The following RPTOR variants were observed in gnomAD, a reference collection of about 807,000 sequenced individuals.
The protein encoded by RPTOR is regulatory associated protein of MTOR complex 1, also known as regulatory-associated protein of mTOR.
In RPTOR, 21 loss-of-function variants were observed where a neutral mutation model predicts 169.9. That is an observed-to-expected ratio of 0.12 (90% CI 0.09 to 0.18). RPTOR has a LOEUF of 0.18. Ranked by LOEUF, RPTOR falls within the 10% of genes least tolerant of loss-of-function variation. RPTOR has a pLI of 1.00. For synonymous variants in RPTOR, 732 were observed against 753.2 expected, an observed-to-expected ratio of 0.97 and a Z score of 0.46; for missense variants, 1,133 against 1,855.9, an observed-to-expected ratio of 0.61 and a Z score of 7.16.
At chr17:80,623,403 A>G (rs1408327173) in intron 1 of RPTOR, among the ~76,000 whole-genome samples, 2 of 152,236 alleles carry the variant, frequency 1.3e-5, no homozygotes, top group South Asian at 2.1e-4. Context: ...TTTCCCTGAA[A>G]CACTCATGAA....
intron 11 of RPTOR, among the ~76,000 whole-genome samples, chr17:80,849,837 G>A (rs55918319): frequency 0.054 from 8,225 of 152,242 alleles, 713 homozygotes; most frequent in African/African-American, 0.18. Context: ...GTCTTCTCAC[G>A]AGGAGCTCTG....
chr17:80,831,288 C>T (rs145288466), intron 9 of RPTOR, among the ~76,000 whole-genome samples: 1,561 of 152,308 alleles, frequency 0.01, 22 homozygotes, highest in African/African-American at 0.035. Flanking sequence ...CCATTCCCCA[C>T]GGAGGCTGAG....
chr17:80,729,846 A>C (rs915619259), intron 4 of RPTOR, among the ~76,000 whole-genome samples: 1 of 152,218 alleles, frequency 6.6e-6, no homozygotes, highest in Non-Finnish European at 1.5e-5. Flanking sequence ...CTGTGGGTCC[A>C]TGGAGGGAGG....
rs928121069 is a variant in RPTOR, at chr17:80,823,623, A to C, written c.1136+400A>C. 5.8e-6 allele frequency: 1 copy of C among 171,956 alleles called. No individual in the cohort carries two copies. The highest frequency in any genetic ancestry group is 2.5e-5 in the African/African-American group (1 of 40,186). The allele number at this position is 171,956 out of a possible 1,614,324, so 10.7% of individuals were successfully genotyped here. The stretch of plus-strand genomic sequence containing the variant: ...TAAACTGTTGGGCTCATGATCAATT[A>C]GTTTTTATGCTTATTTCTCACACAC... On this transcript the variant is annotated intron_variant, in intron 9 of 33. Coordinates refer to ENST00000306801, the MANE Select transcript of RPTOR (RefSeq NM_020761.3). The surrounding 1 kb of genome is among the most constrained non-coding windows in gnomAD (Gnocchi z 4.5).
chr17:80,789,681 G>T (rs762645868), intron 6 of RPTOR, among the ~76,000 whole-genome samples: 1 of 152,154 alleles, frequency 6.6e-6, no homozygotes, highest in Non-Finnish European at 1.5e-5. Flanking sequence ...CCTTTCAGTC[G>T]CATGCTAACC....
intron 1 of RPTOR, among the ~76,000 whole-genome samples, chr17:80,623,905 A>T (rs2065374202): frequency 6.6e-6 from 1 of 152,008 alleles, no homozygotes; most frequent in African/African-American, 2.4e-5. Context: ...TTATTCATTT[A>T]TTTATTTTTA....
chr17:80,898,116 C>T (rs1002997123), intron 20 of RPTOR, among the ~76,000 whole-genome samples: 1 of 152,150 alleles, frequency 6.6e-6, no homozygotes, highest in African/African-American at 2.4e-5. Context: ...TATTCCATTT[C>T]TTTAATGCTG....
chr17:80,834,735 A>T (rs566330427), intron 9 of RPTOR, among the ~76,000 whole-genome samples: 2 of 152,272 alleles, frequency 1.3e-5, no homozygotes, highest in African/African-American at 4.8e-5. Context: ...TTCAACACCA[A>T]GCGAGGGCCT....
intron 11 of RPTOR, among the ~76,000 whole-genome samples, chr17:80,852,508 C>T (rs943961923): frequency 2.6e-5 from 4 of 152,150 alleles, no homozygotes; most frequent in Non-Finnish European, 4.4e-5. Flanking sequence ...CTCTCAGCAT[C>T]ACCAGCACGG....
rs1321649281 is a variant in RPTOR at position 80,721,217 on chromosome 17, G to T, written c.508-9343G>T. On this transcript the variant is annotated intron_variant, in intron 4 of 33. Transcript: ENST00000306801. The surrounding 1 kb of genome is among the most constrained non-coding windows in gnomAD (Gnocchi z 4.7). ...GACACCGTGGGGAGCAGGTGATGTG[G>T]TTCCAGTGCTCTGTCATCCTGGGGT... Among the ~76,000 whole-genome samples, 1 of 151,114 alleles carries T rather than the reference G, an allele frequency of 6.6e-6. No homozygotes were observed. Among genetic ancestry groups the T allele is most frequent in the East Asian group, 1.9e-4 (1 of 5,186 alleles).
chr17:80,595,020 T>C lies in RPTOR; in HGVS notation c.163-30671T>C, dbSNP rs115098066. Among the ~76,000 whole-genome samples, 909 of 148,048 alleles carry C rather than the reference T, an allele frequency of 6.1e-3. 12 individuals are homozygous for C. Among genetic ancestry groups the C allele is most frequent in the African/African-American group, 0.022 (869 of 39,920 alleles). On this transcript the variant is annotated intron_variant, in intron 1 of 33. Transcript: ENST00000306801. ...AGAGAGGGAGAAAGAGAATGGGGGC[T>C]AAGGGGAACAAGAAGGGAGAGAGAG...
At chr17:80,774,224 C>G in intron 6 of RPTOR, 2 of 985,410 alleles carry the variant, frequency 2.0e-6, no homozygotes, top group Non-Finnish European at 2.4e-6. Context: ...GTTCTCGGTT[C>G]TCGACAGCGC....
intron 1 of RPTOR, among the ~76,000 whole-genome samples, chr17:80,603,451 A>C (rs1440639697): frequency 1.3e-5 from 2 of 152,202 alleles, no homozygotes; most frequent in African/African-American, 4.8e-5. Context: ...GGGTTGGTGC[A>C]TCCTTTGAAG....
chr17:80,580,137 T>C (rs2065002083), intron 1 of RPTOR, among the ~76,000 whole-genome samples: 1 of 152,228 alleles, frequency 6.6e-6, no homozygotes, highest in Non-Finnish European at 1.5e-5. Flanking sequence ...TATTTCATTA[T>C]TGGGAATTAC....
At position 80,963,075 on chromosome 17, in the gene RPTOR, T is replaced by C. The variant is rs1174287129; in HGVS notation, c.3939+18T>C. 1 of 58,754 alleles carries C rather than the reference T, an allele frequency of 1.7e-5. No homozygotes were observed. The highest frequency in any genetic ancestry group is 6.0e-4 in the Admixed American group (1 of 1,672). 3.6% of individuals were successfully genotyped at this position (58,754 alleles called of 1,614,324 possible). A position where few individuals can be genotyped will look rare whatever the true frequency, so the allele number is the denominator to read the frequency against. ...CGCACTGGGTCAGTGTGGCGGTGGGTGGGGGTCGGGGGTCGGGGGCTGGGG... is the reference window on the plus strand; with the variant it reads ...CGCACTGGGTCAGTGTGGCGGTGGGCGGGGGTCGGGGGTCGGGGGCTGGGG... On this transcript the variant is annotated intron_variant, in intron 33 of 33. Transcript: ENST00000306801.
intron 3 of RPTOR, among the ~76,000 whole-genome samples, chr17:80,696,041 C>T (rs1033287388): frequency 3.7e-4 from 57 of 152,300 alleles, no homozygotes; most frequent in African/African-American, 1.3e-3. Context: ...TGGCATCTGG[C>T]GACTGGCCTT....
intron 3 of RPTOR, among the ~76,000 whole-genome samples, chr17:80,673,442 T>C (rs1020847998): frequency 6.6e-5 from 10 of 152,180 alleles, no homozygotes; most frequent in Non-Finnish European, 1.3e-4. Context: ...GGGGGCTCCC[T>C]GGTGACACTT....
chr17:80,709,219 A>C, intron 4 of RPTOR: 1 of 414,062 alleles, frequency 2.4e-6, no homozygotes, highest in Non-Finnish European at 3.2e-6. Context: ...TATTGAGTAA[A>C]TTCAAAACGA....
At position 80,923,701 on chromosome 17, in the gene RPTOR, T is replaced by C. The variant is rs1411920976; in HGVS notation, c.2808+28T>C. The C allele has an allele frequency of 3.2e-6, 5 of 1,546,878 alleles. No homozygotes were observed. The African/African-American group carries it at 6.8e-5, about 21-fold the overall frequency. Reference sequence around the variant, plus strand: ...ACGGGAGCCCGGCTGCCTGGTGATCTGGACACTGAGAGCGTTGCTTCTCAG... The same window carrying C: ...ACGGGAGCCCGGCTGCCTGGTGATCCGGACACTGAGAGCGTTGCTTCTCAG... On this transcript the variant is annotated intron_variant, in intron 23 of 33. Coordinates refer to ENST00000306801, the MANE Select transcript of RPTOR (RefSeq NM_020761.3).
Sources: allele counts gnomAD v4.1 joint callset (sites outside exome capture counted in the v4.1 genomes callset), GRCh38; gene constraint gnomAD v4.1.1; non-coding constraint Gnocchi (gnomAD v3.1); transcripts MANE v1.5; gene names NCBI Gene and HGNC (gene_info 2026-07-23, HGNC 2026-07-21).